Variants in CHLSN observed in about 807,000 individuals in gnomAD.
CHLSN encodes cholesin.
chr7:1,108,957 T>C, the CHLSN span, among the ~76,000 whole-genome samples: 1 of 150,420 alleles, frequency 6.6e-6, no homozygotes, highest in Non-Finnish European at 1.5e-5. Context: ...AGTGCAGTGC[T>C]GCAAACTCGG....
the CHLSN span, chr7:1,021,650 G>A: frequency 1.1e-5 from 10 of 887,278 alleles, no homozygotes; most frequent in Admixed American, 1.9e-4. Flanking sequence ...TGCTGCCACC[G>A]CAGTGCCCTC....
the CHLSN span, among the ~76,000 whole-genome samples, chr7:1,099,515 G>T: frequency 7.2e-5 from 11 of 152,370 alleles, no homozygotes; most frequent in Admixed American, 5.2e-4. Context: ...CTCGCTCACC[G>T]CCTGGTAAGT....
the CHLSN span, chr7:986,758 CG>C: frequency 6.2e-7 from 1 of 1,602,922 alleles, no homozygotes; most frequent in Non-Finnish European, 8.5e-7. Flanking sequence ...CGGGGGACCC[CG>C]TGTGCAGCTA....
the CHLSN span, among the ~76,000 whole-genome samples, chr7:1,078,697 G>A: frequency 2.6e-5 from 4 of 152,220 alleles, no homozygotes; most frequent in Admixed American, 2.0e-4. Flanking sequence ...TGAAAACCTG[G>A]GCTTCGCTGC....
At chr7:1,000,503 C>T in the CHLSN span, 46 of 1,608,858 alleles carry the variant, frequency 2.9e-5, no homozygotes, top group Middle Eastern at 3.3e-4. Flanking sequence ...GCAGGAGCCA[C>T]GTCTGCCTCG....
chr7:1,072,035 G>C, the CHLSN span, among the ~76,000 whole-genome samples: 1 of 152,332 alleles, frequency 6.6e-6, no homozygotes, highest in East Asian at 1.9e-4. Context: ...GGGGAAGAGC[G>C]GGGAGGGGCC....
At chr7:1,092,856 G>A in the CHLSN span, 6 of 1,611,464 alleles carry the variant, frequency 3.7e-6, no homozygotes, top group East Asian at 1.3e-4. Flanking sequence ...GTGCCGTGTA[G>A]ACAGCCTTGG....
the CHLSN span, among the ~76,000 whole-genome samples, chr7:1,121,392 C>G: frequency 6.6e-6 from 1 of 152,236 alleles, no homozygotes; most frequent in African/African-American, 2.4e-5. Context: ...GACACACAAT[C>G]CCACTGCCAG....
the CHLSN span, among the ~76,000 whole-genome samples, chr7:1,002,209 GA>G: frequency 2.8e-5 from 2 of 71,276 alleles, no homozygotes; most frequent in Non-Finnish European, 2.7e-5. Flanking sequence ...TCCTGTGGGT[GA>G]GTGGAGTCCT....
the CHLSN span, chr7:1,092,687 AC>A: frequency 6.2e-7 from 1 of 1,610,420 alleles, no homozygotes; most frequent in Non-Finnish European, 8.5e-7. Context: ...AGCTGCCTAA[AC>A]CCCCTCATCT....
the CHLSN span, among the ~76,000 whole-genome samples, chr7:1,001,340 T>A: frequency 6.6e-6 from 1 of 151,642 alleles, no homozygotes; most frequent in Non-Finnish European, 1.5e-5. Flanking sequence ...AGTGGAGTCC[T>A]GTGGGTGTGG....
the CHLSN span, among the ~76,000 whole-genome samples, chr7:1,095,580 C>T: frequency 6.6e-6 from 1 of 152,210 alleles, no homozygotes; most frequent in Non-Finnish European, 1.5e-5. Context: ...GACGAGAGAC[C>T]CAGCATTTCT....
chr7:1,136,455 C>CATATAAAT, the CHLSN span, among the ~76,000 whole-genome samples: 70 of 99,852 alleles, frequency 7.0e-4, 2 homozygotes, highest in African/African-American at 3.2e-3. Context: ...TATATATAAA[C>CATATAAAT]ATATATAAAC....
At chr7:1,054,460 G>A in the CHLSN span, among the ~76,000 whole-genome samples, 7 of 152,344 alleles carry the variant, frequency 4.6e-5, no homozygotes, top group African/African-American at 7.2e-5. Context: ...CCCAGGTCCC[G>A]GCTGGGGTGA....
the CHLSN span, among the ~76,000 whole-genome samples, chr7:1,115,530 T>G: frequency 1.1e-5 from 1 of 94,154 alleles, no homozygotes; most frequent in South Asian, 3.8e-4. Flanking sequence ...CCAACGCCCA[T>G]GCAGGATGAC....
chr7:1,091,788 G>A, the CHLSN span: 1 of 1,586,372 alleles, frequency 6.3e-7, no homozygotes, highest in Non-Finnish European at 8.6e-7. Context: ...GCACCGCGCA[G>A]CCTGCGGCCC....
chr7:1,096,441 C>T, the CHLSN span, among the ~76,000 whole-genome samples: 1 of 152,196 alleles, frequency 6.6e-6, no homozygotes, highest in Non-Finnish European at 1.5e-5. This position sits in a 1 kb window ranked among gnomAD's most constrained non-coding sequence, Gnocchi z 4.6. Context: ...CCTGAGATCC[C>T]AGAGCTGGGA....
the CHLSN span, among the ~76,000 whole-genome samples, chr7:1,063,111 C>G: frequency 5.6e-4 from 85 of 152,298 alleles, no homozygotes; most frequent in Non-Finnish European, 1.0e-3. Context: ...GCATCGCTCA[C>G]AGACCCACGC....
chr7:1,036,784 C>T, the CHLSN span, among the ~76,000 whole-genome samples: 9 of 148,848 alleles, frequency 6.0e-5, no homozygotes, highest in Non-Finnish European at 1.2e-4. Context: ...GCTCTGAAGG[C>T]GAACGCTTCG....
Sources: allele counts gnomAD v4.1 joint callset (sites outside exome capture counted in the v4.1 genomes callset), GRCh38; gene constraint gnomAD v4.1.1; non-coding constraint Gnocchi (gnomAD v3.1); transcripts MANE v1.5; gene names NCBI Gene and HGNC (gene_info 2026-07-23, HGNC 2026-07-21).